Variants in BMERB1 observed in about 807,000 individuals in gnomAD.
The protein encoded by BMERB1 is bMERB domain-containing protein 1.
In BMERB1, 12 loss-of-function variants were observed where a neutral mutation model predicts 23.6. The ratio of observed to expected loss-of-function variants is 0.51; its 90% CI spans 0.33 to 0.82. The LOEUF is 0.82. Among genes scored for constraint, BMERB1 ranks in the 40% least tolerant of loss-of-function variants. The probability of loss-of-function intolerance (pLI) is 0.03; values close to 1 mark genes in which losing one functional copy is unlikely to be tolerated. For missense variants in BMERB1, 247 were observed against 255.4 expected, an observed-to-expected ratio of 0.97 and a Z score of 0.22; for synonymous variants, 122 against 96.6, an observed-to-expected ratio of 1.26 and a Z score of -1.54.
intron 1 of BMERB1, among the ~76,000 whole-genome samples, chr16:15,513,915 C>A (rs1300820061): frequency 1.3e-5 from 2 of 151,954 alleles, no homozygotes; most frequent in Non-Finnish European, 2.9e-5. Flanking sequence ...AAAAGTGTGT[C>A]TGTGTATATT....
At chr16:15,535,844 A>G (rs951324068) in intron 2 of BMERB1, among the ~76,000 whole-genome samples, 1 of 152,108 alleles carries the variant, frequency 6.6e-6, no homozygotes, top group Non-Finnish European at 1.5e-5. Flanking sequence ...GAAACTTACA[A>G]TCATGGCAGA....
intron 1 of BMERB1, among the ~76,000 whole-genome samples, chr16:15,507,885 A>G (rs1367972431): frequency 6.6e-6 from 1 of 152,138 alleles, no homozygotes; most frequent in Non-Finnish European, 1.5e-5. Flanking sequence ...GAGGCAGGGA[A>G]TTGTTTCTTA....
At chr16:15,500,260 A>C (rs2051515083) in intron 1 of BMERB1, among the ~76,000 whole-genome samples, 1 of 152,132 alleles carries the variant, frequency 6.6e-6, no homozygotes. Context: ...ATTAGGATTT[A>C]GGGGGCAGCC....
intron 4 of BMERB1, among the ~76,000 whole-genome samples, chr16:15,582,920 C>T (rs1303653699): frequency 1.3e-5 from 2 of 152,180 alleles, no homozygotes; most frequent in Non-Finnish European, 2.9e-5. Flanking sequence ...TGCCTCTGCC[C>T]TGGGGTCACA....
chr16:15,496,282 C>T (rs372667764), intron 1 of BMERB1, among the ~76,000 whole-genome samples: 5 of 152,040 alleles, frequency 3.3e-5, no homozygotes, highest in East Asian at 1.9e-4. Context: ...AGGATAGAGA[C>T]AGTGATTGTG....
rs148973789 is a variant in BMERB1, at chr16:15,455,250, G to C, written c.106+20491G>C. Among the ~76,000 whole-genome samples, 1,225 of 150,970 alleles carry C rather than the reference G, an allele frequency of 8.1e-3. 14 individuals carry two copies. Among genetic ancestry groups the C allele is most frequent in the African/African-American group, 0.026 (1,086 of 41,202 alleles). ...GAGGCAGGAGAATCACTTGAACCCG[G>C]GAGATGGAGGTTGCAGTGAGCCGAG... On this transcript the variant is annotated intron_variant, in intron 1 of 5. Coordinates refer to ENST00000300006, the MANE Select transcript of BMERB1 (RefSeq NM_033201.3).
rs149699353 is a variant in BMERB1, at chr16:15,530,050, T to C, written c.230+14622T>C. On this transcript the variant is annotated intron_variant, in intron 2 of 5. Coordinates refer to ENST00000300006, the MANE Select transcript of BMERB1 (RefSeq NM_033201.3). Reference sequence around the variant, plus strand: ...ATTCCAGCTTCTAGAACCGTACTCTTTGCATTTCTTGGCTTGTGTTTCCCT... The same window carrying C: ...ATTCCAGCTTCTAGAACCGTACTCTCTGCATTTCTTGGCTTGTGTTTCCCT... Among the ~76,000 whole-genome samples the C allele has an allele frequency of 3.5e-3, 526 of 152,260 alleles. 7 individuals are homozygous for C. Among genetic ancestry groups the C allele is most frequent in the African/African-American group, 0.012 (501 of 41,546 alleles).
chr16:15,548,541 G>A (rs2029991288), intron 2 of BMERB1, among the ~76,000 whole-genome samples: 1 of 152,088 alleles, frequency 6.6e-6, no homozygotes, highest in Non-Finnish European at 1.5e-5. Context: ...TATTTACACC[G>A]TGGAAATTGG....
At chr16:15,583,034 GAC>G in intron 4 of BMERB1, 120 bp from the exon 5 acceptor site, 1 of 765,834 alleles carries the variant, frequency 1.3e-6, no homozygotes, top group Non-Finnish European at 2.3e-6. Flanking sequence ...CATAACACGT[GAC>G]AACATACATG....
At chr16:15,576,026 C>T (rs2030848193) in intron 3 of BMERB1, among the ~76,000 whole-genome samples, 1 of 150,094 alleles carries the variant, frequency 6.7e-6, no homozygotes, top group Non-Finnish European at 1.5e-5. Flanking sequence ...TGATCCATCT[C>T]AGCATTAGTA....
rs1311682207 is a variant in BMERB1, at chr16:15,587,159, T to C, written c.*330T>C. The C allele has an allele frequency of 1.3e-5, 4 of 303,106 alleles. No individual in the cohort carries two copies. In the East Asian group the frequency reaches 2.4e-4, roughly 18 times the overall value. 18.8% of individuals were successfully genotyped at this position (303,106 alleles called of 1,614,324 possible). A position where few individuals can be genotyped will look rare whatever the true frequency, so the allele number is the denominator to read the frequency against. ...AGCTGTATCTAACCCACCGTGTGAA[T>C]GAACTGGGAGAGGGGCATGCTCCCC... On this transcript the variant is annotated 3_prime_UTR_variant, in exon 6 of 6. Transcript: ENST00000300006.
At chr16:15,471,115 G>A (rs1026534079) in intron 1 of BMERB1, among the ~76,000 whole-genome samples, 2 of 152,094 alleles carry the variant, frequency 1.3e-5, no homozygotes, top group South Asian at 4.1e-4. Context: ...AGGATTACAG[G>A]CGTCAGCCAC....
intron 3 of BMERB1, among the ~76,000 whole-genome samples, chr16:15,571,638 A>AGCC (rs1300083544): frequency 1.3e-5 from 2 of 152,146 alleles, no homozygotes; most frequent in Non-Finnish European, 2.9e-5. Context: ...TACAGGTGTG[A>AGCC]GCCACCACAC....
intron 1 of BMERB1, among the ~76,000 whole-genome samples, chr16:15,511,854 A>C (rs1243103220): frequency 1.3e-5 from 2 of 152,132 alleles, no homozygotes; most frequent in East Asian, 3.9e-4. Context: ...TCTACTAAAA[A>C]TACAAAAAAT....
chr16:15,569,696 G>C (rs2030675331), intron 3 of BMERB1, among the ~76,000 whole-genome samples: 2 of 152,294 alleles, frequency 1.3e-5, no homozygotes, highest in South Asian at 4.1e-4. Context: ...CTGGGTGGCA[G>C]GTCCACGTGG....
At chr16:15,513,324 CT>C (rs1567477504) in intron 1 of BMERB1, among the ~76,000 whole-genome samples, 1 of 152,062 alleles carries the variant, frequency 6.6e-6, no homozygotes, top group Non-Finnish European at 1.5e-5. Flanking sequence ...CTGTGGATTG[CT>C]TAAGTGCTTC....
At chr16:15,552,319 A>G (rs1239527429) in intron 2 of BMERB1, among the ~76,000 whole-genome samples, 13 of 152,034 alleles carry the variant, frequency 8.6e-5, no homozygotes, top group Non-Finnish European at 5.9e-5. Flanking sequence ...GTGCCCCTGT[A>G]ATCCCAGCTA....
At chr16:15,504,555 C>A (rs922705351) in intron 1 of BMERB1, among the ~76,000 whole-genome samples, 1 of 151,732 alleles carries the variant, frequency 6.6e-6, no homozygotes, top group African/African-American at 2.4e-5. Context: ...CCCAAGCGAT[C>A]CTCCCACCTC....
At chr16:15,468,679 T>C (rs2051204591) in intron 1 of BMERB1, among the ~76,000 whole-genome samples, 1 of 152,038 alleles carries the variant, frequency 6.6e-6, no homozygotes, top group African/African-American at 2.4e-5. Context: ...AGAGCAAAGG[T>C]TTTTAATTTT....
Sources: gnomAD v4.1 joint callset for allele counts (sites outside exome capture counted in the v4.1 genomes callset) on GRCh38, gnomAD v4.1.1 for gene constraint, MANE v1.5 for transcripts, NCBI Gene and HGNC (gene_info 2026-07-23, HGNC 2026-07-21) for gene names.